Variants in KTN1 observed in about 807,000 individuals in gnomAD.
KTN1 encodes kinectin 1, also known as kinectin.
A neutral mutation model predicts 222.5 loss-of-function variants in KTN1; 130 were observed. The observed-to-expected ratio is 0.58, with a 90% CI of 0.51 to 0.68. The LOEUF (loss-of-function observed/expected upper bound fraction) is 0.68. KTN1 is among the 30% of genes least tolerant of loss of function. The pLI, the probability that KTN1 is intolerant of heterozygous loss-of-function variation, is 0.00. For synonymous variants in KTN1, 512 were observed against 496.3 expected (o/e 1.03, Z -0.42); for missense variants, 1,508 against 1,500.4 (o/e 1.01, Z -0.08).
Position 55,580,259 on chromosome 14 carries a change from G to T in KTN1, c.-126G>T, listed in dbSNP as rs540491158. On this transcript the variant is annotated 5_prime_UTR_variant, in exon 1 of 44. Coordinates refer to ENST00000395314, the MANE Select transcript of KTN1 (RefSeq NM_001079521.2). ...GCGACGGCACCTGAGCGACTGCGGC[G>T]GCGGCGGCGGCGGCGGCGGCGCCTC... is the stretch of plus-strand genomic sequence containing the variant. 2 of 74,192 alleles carry T rather than the reference G, an allele frequency of 2.7e-5. No individual in the cohort carries two copies. Among genetic ancestry groups the T allele is most frequent in the Non-Finnish European group, 6.3e-5 (2 of 31,546 alleles). 4.6% of individuals were successfully genotyped at this position (74,192 alleles called of 1,614,324 possible). A position where few individuals can be genotyped will look rare whatever the true frequency, so the allele number is the denominator to read the frequency against.
At chr14:55,634,695 T>C (rs771749313) in intron 9 of KTN1, 37 bp downstream of exon 9, 2 of 1,577,442 alleles carry the variant, frequency 1.3e-6, no homozygotes, top group Admixed American at 3.6e-5. Context: ...ATTTCATGAA[T>C]AATATAGGCG....
chr14:55,618,255 G>T, intron 4 of KTN1, 121 bp downstream of exon 4: 1 of 714,418 alleles, frequency 1.4e-6, no homozygotes, highest in South Asian at 2.6e-5. Flanking sequence ...AATCCTTGTG[G>T]TAGAAGACTT....
Position 55,652,811 on chromosome 14 carries a change from T to C in KTN1, c.2604-39T>C, listed in dbSNP as rs768410797. The C allele has an allele frequency of 4.2e-6, 6 of 1,443,772 alleles. No homozygotes were observed. The Admixed American group carries it at 1.2e-4, about 29-fold the overall frequency. 89.4% of individuals were successfully genotyped at this position (1,443,772 alleles called of 1,614,324 possible). A position where few individuals can be genotyped will look rare whatever the true frequency, so the allele number is the denominator to read the frequency against. On this transcript the variant is annotated intron_variant, in intron 25 of 43. Transcript: ENST00000395314. ...AAGATTTTTGCTTTTTATGGTCATG[T>C]AACATTTTCATTTAGAGTTCTGATT...
Position 55,672,901 on chromosome 14 carries a change from G to A in KTN1, c.3604-28G>A, listed in dbSNP as rs947273343. The A allele has an allele frequency of 1.9e-6, 3 of 1,568,912 alleles. No individual in the cohort carries two copies. The East Asian group carries it at 6.7e-5, about 35-fold the overall frequency. ...TATTATGAAAGGAAATTTTAAGTGT[G>A]TTAACTTTTCCTTTGTTGCATTGCT... On this transcript the variant is annotated intron_variant, in intron 38 of 43. Transcript: ENST00000395314.
intron 4 of KTN1, 120 bp downstream of exon 4, chr14:55,618,254 G>A (rs2038667091): frequency 1.4e-6 from 1 of 714,882 alleles, no homozygotes; most frequent in Non-Finnish European, 2.1e-6. Context: ...AAATCCTTGT[G>A]GTAGAAGACT....
At chr14:55,673,054 G>C in intron 39 of KTN1, 42 bp downstream of exon 39, 1 of 1,552,570 alleles carries the variant, frequency 6.4e-7, no homozygotes, top group Non-Finnish European at 8.9e-7. Context: ...TCTCAATTCA[G>C]ATTAAGTTTA....
At chr14:55,674,112 A>AT (rs1384100972) in intron 40 of KTN1, 1 of 152,026 alleles carries the variant, frequency 6.6e-6, no homozygotes, top group African/African-American at 2.4e-5. Flanking sequence ...GCATTACTCC[A>AT]TGTACCAAGA....
rs368865005 is a variant in KTN1 at position 55,639,968 on chromosome 14, C to T, written c.1879C>T (p.Arg627Cys). 78 of 1,607,298 alleles carry T rather than the reference C, an allele frequency of 4.9e-5. No individual in the cohort carries two copies. Among genetic ancestry groups the T allele is most frequent in the Non-Finnish European group, 6.0e-5 (70 of 1,174,816 alleles). ...GACTGAAGATTCTTTAGCAAGTGAACGTGATCGTTTAACAAGTAAAGAAGA... is the reference window on the plus strand; with the variant it reads ...GACTGAAGATTCTTTAGCAAGTGAATGTGATCGTTTAACAAGTAAAGAAGA... ...KQTEDSLASE[R>C]DRLTSKEEEL... Residue 627 changes from arginine (R) to cysteine (C), a missense_variant, in exon 14 of 44, where the codon CGT becomes TGT. By Grantham distance (180) the Arg-to-Cys change is radical (BLOSUM62 -3). Transcript: ENST00000395314.
intron 35 of KTN1, chr14:55,671,308 A>G (rs2141315866): frequency 2.3e-6 from 1 of 440,574 alleles, no homozygotes; most frequent in Middle Eastern, 6.1e-4. Context: ...CATACTTCAC[A>G]TGTGGGTCTG....
Position 55,640,395 on chromosome 14 carries a change from T to C in KTN1, c.1936T>C (p.Leu646=). 1 of 1,604,832 alleles carries C rather than the reference T, an allele frequency of 6.2e-7. No individual in the cohort carries two copies. The highest frequency in any genetic ancestry group is 8.5e-7 in the Non-Finnish European group (1 of 1,173,564). ...ELKDIQNMNF[L]LKAEVQKLQA... is the part of the protein sequence containing the mutation. The stretch of plus-strand genomic sequence containing the variant: ...CTAGGATATACAGAATATGAATTTC[T>C]TATTAAAAGCTGAAGTGCAGAAATT... Residue 646 remains leucine (L), a synonymous_variant, in exon 15 of 44, where the codon TTA becomes CTA. Coordinates refer to ENST00000395314, the MANE Select transcript of KTN1 (RefSeq NM_001079521.2).
intron 6 of KTN1, 70 bp downstream of exon 6, chr14:55,628,098 C>A (rs2040075067): frequency 1.1e-5 from 10 of 935,494 alleles, no homozygotes; most frequent in Admixed American, 6.4e-5. Flanking sequence ...TAGAAATTGT[C>A]CATAATCAGT....
At chr14:55,609,592 T>A (rs1271187801) in intron 1 of KTN1, among the ~76,000 whole-genome samples, 1 of 152,184 alleles carries the variant, frequency 6.6e-6, no homozygotes, top group Non-Finnish European at 1.5e-5. Flanking sequence ...TCTCATACCC[T>A]CTCTTCTTGA....
chr14:55,648,795 GA>G lies in KTN1; in HGVS notation c.2299-2del. On this transcript the variant is annotated splice_region_variant and splice_polypyrimidine_tract_variant and intron_variant, in intron 20 of 43. Coordinates refer to ENST00000395314, the MANE Select transcript of KTN1 (RefSeq NM_001079521.2). ...AATCATGTTTTGCTTATGTGTCTTTGAAAAAGGCAATAAGAACAGAAAATTC... is the reference window on the plus strand; with the variant it reads ...AATCATGTTTTGCTTATGTGTCTTTGAAAAGGCAATAAGAACAGAAAATTC... The G allele has an allele frequency of 3.8e-6, 6 of 1,585,226 alleles. No homozygotes were observed. Among genetic ancestry groups the G allele is most frequent in the Non-Finnish European group, 5.2e-6 (6 of 1,156,576 alleles).
At chr14:55,621,074 A>G (rs1343583107) in intron 5 of KTN1, among the ~76,000 whole-genome samples, 1 of 152,070 alleles carries the variant, frequency 6.6e-6, no homozygotes, top group Non-Finnish European at 1.5e-5. Flanking sequence ...TCTCCCTCAG[A>G]TCTCTAGGAC....
intron 1 of KTN1, among the ~76,000 whole-genome samples, chr14:55,586,107 A>G (rs761184745): frequency 1.3e-5 from 2 of 152,192 alleles, no homozygotes; most frequent in Non-Finnish European, 2.9e-5. Flanking sequence ...GCTGGAAGTC[A>G]CTAGTTAGGA....
Position 55,678,647 on chromosome 14 carries a change from G to A in KTN1, c.3948+203G>A. On this transcript the variant is annotated intron_variant, in intron 42 of 43. Transcript: ENST00000395314. Reference sequence around the variant, plus strand: ...TAAGGGTTGTGTTGAGAGGTATGGAGCGGGGGTCCCCAATTCCTGGACTGT... The same window carrying A: ...TAAGGGTTGTGTTGAGAGGTATGGAACGGGGGTCCCCAATTCCTGGACTGT... 8.0e-6 allele frequency: 4 copies of A among 500,832 alleles called. No individual in the cohort carries two copies. The South Asian group carries it at 9.4e-5, about 12-fold the overall frequency. 31.0% of individuals were successfully genotyped at this position (500,832 alleles called of 1,614,324 possible).
At chr14:55,622,069 G>A (rs371379692) in intron 5 of KTN1, among the ~76,000 whole-genome samples, 16 of 151,770 alleles carry the variant, frequency 1.1e-4, no homozygotes, top group African/African-American at 3.6e-4. Flanking sequence ...GGATGGTCTC[G>A]ATCTCCTGAC....
In KTN1 at chr14:55,667,092, G is replaced by T. The variant is rs775872116; in HGVS notation, c.3178-149G>T. 1.3e-4 allele frequency: 71 copies of T among 549,788 alleles called. 1 individual carries two copies. Among genetic ancestry groups the T allele is most frequent in the Non-Finnish European group, 2.0e-4 (65 of 320,324 alleles). The allele number at this position is 549,788 out of a possible 1,614,324, so 34.1% of individuals were successfully genotyped here. A position where few individuals can be genotyped will look rare whatever the true frequency, so the allele number is the denominator to read the frequency against. Reference sequence around the variant, plus strand: ...TATGGGAGCATTTTAATATCTTAAAGTGGGAAATTTTAATATTTGTTAGTA... The same window carrying T: ...TATGGGAGCATTTTAATATCTTAAATTGGGAAATTTTAATATTTGTTAGTA... On this transcript the variant is annotated intron_variant, in intron 33 of 43. Transcript: ENST00000395314.
intron 1 of KTN1, among the ~76,000 whole-genome samples, chr14:55,582,943 G>T (rs1008229179): frequency 6.6e-6 from 1 of 152,150 alleles, no homozygotes; most frequent in Non-Finnish European, 1.5e-5. Context: ...AGTGACATTG[G>T]TGATCACTCA....
Sources: allele counts gnomAD v4.1 joint callset (sites outside exome capture counted in the v4.1 genomes callset), GRCh38; gene constraint gnomAD v4.1.1; transcripts MANE v1.5; gene names NCBI Gene and HGNC (gene_info 2026-07-23, HGNC 2026-07-21).